PDE1C: variants seen among roughly 807,000 people sequenced by gnomAD.
PDE1C encodes phosphodiesterase 1C, also known as dual specificity calcium/calmodulin-dependent 3',5'-cyclic nucleotide phosphodiesterase 1C.
PDE1C carries 62 observed loss-of-function variants against 93.1 expected under a neutral mutation model. The ratio of observed to expected loss-of-function variants is 0.67; its 90% CI spans 0.54 to 0.82. The LOEUF is 0.82. PDE1C is among the 40% of genes least tolerant of loss of function. PDE1C has a pLI of 0.00. For missense variants in PDE1C, 742 were observed against 884.6 expected (o/e 0.84, Z 2.04); for synonymous variants, 325 against 310.1 (o/e 1.05, Z -0.50).
intron 3 of PDE1C, among the ~76,000 whole-genome samples, chr7:32,119,504 T>C (rs141797742): frequency 0.018 from 2,752 of 152,240 alleles, 83 homozygotes; most frequent in African/African-American, 0.064. Context: ...TAATGAGAGA[T>C]GACCGACTAG....
At chr7:31,971,715 A>G (rs1226422783) in intron 2 of PDE1C, among the ~76,000 whole-genome samples, 1 of 152,140 alleles carries the variant, frequency 6.6e-6, no homozygotes, top group Non-Finnish European at 1.5e-5. Flanking sequence ...CACTAACAAC[A>G]AGAGATCAGA....
chr7:32,098,148 T>C (rs1039817531), intron 3 of PDE1C, among the ~76,000 whole-genome samples: 2 of 136,130 alleles, frequency 1.5e-5, no homozygotes, highest in Admixed American at 7.9e-5. Context: ...GAGAATGGCG[T>C]GAACCCGGGA....
chr7:32,144,314 C>T (rs1442891863), intron 3 of PDE1C, among the ~76,000 whole-genome samples: 1 of 152,112 alleles, frequency 6.6e-6, no homozygotes, highest in Non-Finnish European at 1.5e-5. Context: ...CAGGGTGCAA[C>T]AGGACCCCTG....
At chr7:32,342,099 G>A (rs575315022) in intron 1 of PDE1C, among the ~76,000 whole-genome samples, 156 of 152,118 alleles carry the variant, frequency 1.0e-3, no homozygotes, top group Non-Finnish European at 1.9e-3. Context: ...ATGTATGATT[G>A]TTTGCTATCA....
chr7:31,962,802 C>T (rs1376269258), intron 2 of PDE1C, among the ~76,000 whole-genome samples: 1 of 151,628 alleles, frequency 6.6e-6, no homozygotes, highest in Non-Finnish European at 1.5e-5. Context: ...GCCCCTCCAT[C>T]TTTTTTCCAG....
intron 2 of PDE1C, among the ~76,000 whole-genome samples, chr7:32,189,639 A>G (rs1415701740): frequency 6.6e-6 from 1 of 152,200 alleles, no homozygotes. Flanking sequence ...TGCTCTGAGC[A>G]CTTGGAAGAG....
upstream of PDE1C, among the ~76,000 whole-genome samples, chr7:32,072,824 G>A (rs11765342): frequency 0.069 from 10,511 of 152,212 alleles, 389 homozygotes; most frequent in Non-Finnish European, 0.079. Flanking sequence ...TTTGAGTTAT[G>A]GCTGATTACC....
intron 11 of PDE1C, among the ~76,000 whole-genome samples, chr7:31,835,102 T>C (rs1790895238): frequency 6.6e-6 from 1 of 152,116 alleles, no homozygotes. Flanking sequence ...AAGACATCTC[T>C]TTACTCTTCT....
intron 2 of PDE1C, among the ~76,000 whole-genome samples, chr7:32,041,615 T>TAA (rs761341458): frequency 3.9e-5 from 6 of 152,218 alleles, no homozygotes; most frequent in Non-Finnish European, 7.3e-5. Flanking sequence ...CTATTTTTGT[T>TAA]ATTTACTTTT....
intron 7 of PDE1C, among the ~76,000 whole-genome samples, chr7:31,860,282 A>T (rs1447559642): frequency 6.6e-6 from 1 of 152,136 alleles, no homozygotes; most frequent in East Asian, 1.9e-4. Flanking sequence ...TGCTACTGGC[A>T]TCTCGTGACT....
At chr7:31,873,214 A>G (rs1348897258) in intron 6 of PDE1C, 78 bp downstream of exon 6, 9 of 852,998 alleles carry the variant, frequency 1.1e-5, no homozygotes, top group Non-Finnish European at 7.6e-6. Context: ...ATATTAAAAT[A>G]GTCTGAACCC....
Position 32,026,058 on chromosome 7 carries a change from G to A in PDE1C, c.128+25496C>T, listed in dbSNP as rs183652774. 2.0e-3 allele frequency among the ~76,000 whole-genome samples: 297 copies of A among 151,746 alleles called. 4 individuals carry two copies. The highest frequency in any genetic ancestry group is 6.2e-3 in the African/African-American group (255 of 41,172). On this transcript the variant is annotated intron_variant, in intron 2 of 17. Transcript: ENST00000396191. ...ATATTTCCACACCTCACACACAAGC[G>A]TGTGCATGCACACACATACACACAT...
At chr7:32,033,905 C>T (rs532731498) in intron 2 of PDE1C, among the ~76,000 whole-genome samples, 2 of 152,254 alleles carry the variant, frequency 1.3e-5, no homozygotes, top group South Asian at 4.2e-4. Context: ...ATACTCTACT[C>T]CCACCAACCA....
At chr7:31,859,994 T>C (rs1275320269) in intron 7 of PDE1C, among the ~76,000 whole-genome samples, 1 of 152,194 alleles carries the variant, frequency 6.6e-6, no homozygotes, top group Non-Finnish European at 1.5e-5. Flanking sequence ...AATTGTTCAC[T>C]ATGGCAAACA....
chr7:32,014,547 C>T (rs9639638), intron 2 of PDE1C, among the ~76,000 whole-genome samples: 63,687 of 151,846 alleles, frequency 0.42, 14,507 homozygotes, highest in Non-Finnish European at 0.53. Context: ...GGTGGTTTGC[C>T]GCACCTATCA....
chr7:32,420,563 AG>A lies in PDE1C; in HGVS notation c.310+7258del, dbSNP rs61481517. 4.0e-5 allele frequency among the ~76,000 whole-genome samples: 6 copies of A among 148,196 alleles called. No homozygotes were observed. In the East Asian group the frequency reaches 8.1e-4, roughly 20 times the overall value. On this transcript the variant is annotated intron_variant, in intron 1 of 1. Coordinates refer to the PDE1C transcript ENST00000672256. ...AGCAAGGCTCCATCTCAAAAAAAAA[AG>A]GGGGGGTGGTAATAATAGTGCTTGT...
chr7:32,044,055 A>C (rs1166745721), intron 2 of PDE1C, among the ~76,000 whole-genome samples: 1 of 152,164 alleles, frequency 6.6e-6, no homozygotes, highest in Non-Finnish European at 1.5e-5. Flanking sequence ...TGTCATGCCC[A>C]ATGCTTTTGG....
At chr7:31,764,504 G>A (rs2128613158) in intron 17 of PDE1C, among the ~76,000 whole-genome samples, 1 of 152,262 alleles carries the variant, frequency 6.6e-6, no homozygotes, top group South Asian at 2.1e-4. Flanking sequence ...AAATCCCAGT[G>A]GGAAGTATGC....
intron 1 of PDE1C, among the ~76,000 whole-genome samples, chr7:32,411,553 G>C (rs1417294918): frequency 6.6e-6 from 1 of 152,210 alleles, no homozygotes; most frequent in Non-Finnish European, 1.5e-5. Context: ...TGTGAATGCA[G>C]CTCGCAGGAC....
Sources: allele counts gnomAD v4.1 joint callset (sites outside exome capture counted in the v4.1 genomes callset), GRCh38; gene constraint gnomAD v4.1.1; transcripts MANE v1.5; gene names NCBI Gene and HGNC (gene_info 2026-07-23, HGNC 2026-07-21).